Variants in SERPINA9 observed in about 807,000 individuals in gnomAD.
SERPINA9 encodes serpin family A member 9.
In SERPINA9, 32 loss-of-function variants were observed where a neutral mutation model predicts 24.5. The ratio of observed to expected loss-of-function variants is 1.30; its 90% CI spans 0.98 to 1.75. The LOEUF (loss-of-function observed/expected upper bound fraction) is 1.75, where lower values mean the gene tolerates loss of function less well. Among genes scored for constraint, SERPINA9 ranks in the 40% most tolerant of loss-of-function variants. The pLI, the probability that SERPINA9 is intolerant of heterozygous loss-of-function variation, is 0.00. For missense variants in SERPINA9, 594 were observed against 497.1 expected (o/e 1.19, Z -1.85); for synonymous variants, 233 against 197.7 (o/e 1.18, Z -1.50).
chr14:94,473,875 C>T (rs1295013010), intron 1 of SERPINA9, among the ~76,000 whole-genome samples: 1 of 152,212 alleles, frequency 6.6e-6, no homozygotes, highest in Non-Finnish European at 1.5e-5. Context: ...CGAATTGCTT[C>T]ATCTTCTGAA....
chr14:94,469,883 G>A (rs1463818875), intron 1 of SERPINA9, 26 bp from the exon 2 acceptor site: 1 of 1,499,134 alleles, frequency 6.7e-7, no homozygotes, highest in South Asian at 1.4e-5. Context: ...GAACCATTGA[G>A]GGGGTAAACT....
rs1215285617 is a variant in SERPINA9 at position 94,463,251 on chromosome 14, C to T, written c.1096G>A (p.Ala366Thr). The T allele has an allele frequency of 6.2e-7, 1 of 1,614,188 alleles. No homozygotes were observed. Among genetic ancestry groups the T allele is most frequent in the South Asian group, 1.1e-5 (1 of 91,080 alleles). The stretch of plus-strand genomic sequence containing the variant: ...AACTTGGTGGTGGTAGCTGCTGTGG[C>T]CTCAGTGCCCTCTTCACTGACATCC... ...VLDVSEEGTE[A>T]TAATTTKFIV... Residue 366 changes from alanine to threonine, a missense_variant, in exon 5 of 5, where the codon GCC (alanine) becomes ACC (threonine). By Grantham distance (58) the Ala-to-Thr change is moderately conservative. Transcript: ENST00000674397.
chr14:94,466,100 C>G (rs1898992191), intron 3 of SERPINA9, among the ~76,000 whole-genome samples: 1 of 152,180 alleles, frequency 6.6e-6, no homozygotes, highest in South Asian at 2.1e-4. Context: ...GTCCCTCCCT[C>G]CCTGAAATTC....
intron 4 of SERPINA9, chr14:94,464,247 C>G (rs1269381754): frequency 6.1e-6 from 1 of 164,838 alleles, no homozygotes. Flanking sequence ...ACTTTTAGAT[C>G]TAATATACTA....
intron 1 of SERPINA9, among the ~76,000 whole-genome samples, chr14:94,474,642 C>T (rs1368272844): frequency 1.3e-5 from 2 of 152,232 alleles, no homozygotes; most frequent in Admixed American, 6.5e-5. Context: ...CTTCTCTCTC[C>T]CAGCCCTGCC....
At position 94,462,999 on chromosome 14, in the gene SERPINA9, G is replaced by T. The variant is rs190741288; in HGVS notation, c.*94C>A. The T allele has an allele frequency of 8.6e-5, 95 of 1,105,560 alleles. 1 individual carries two copies. The East Asian group carries it at 2.0e-3, about 23-fold the overall frequency. 68.5% of individuals were successfully genotyped at this position (1,105,560 alleles called of 1,614,324 possible). On this transcript the variant is annotated 3_prime_UTR_variant, in exon 5 of 5. Coordinates refer to ENST00000674397, the MANE Select transcript of SERPINA9 (RefSeq NM_175739.4). ...CCCTGCCAGCGAATCCAGCTCCACT[G>T]GGGTCAAATGCACCCTCAGAACAGA...
intron 2 of SERPINA9, 60 bp from the exon 3 acceptor site, chr14:94,467,442 G>A: frequency 6.9e-7 from 1 of 1,458,128 alleles, no homozygotes; most frequent in Non-Finnish European, 9.3e-7. Context: ...GGCAAAGACA[G>A]CAAACTGAAA....
At chr14:94,472,866 G>C (rs1015149057) in intron 1 of SERPINA9, among the ~76,000 whole-genome samples, 2 of 152,212 alleles carry the variant, frequency 1.3e-5, no homozygotes, top group Admixed American at 1.3e-4. Context: ...AGGGCCCAGA[G>C]GGAACCAGAG....
Position 94,463,240 on chromosome 14 carries a change from AG to A in SERPINA9, c.1106del (p.Ala369ValfsTer7). On this transcript the variant is annotated frameshift_variant, in exon 5 of 5. Transcript: ENST00000674397. LOFTEE classifies it low-confidence loss of function (END_TRUNC). Reference protein sequence around the residue: ...VSEEGTEATAATTTKFIVRSK... With the variant: ...VSEEGTEATAXTTTKFIVRSK... ...ATCGGACTATGAACTTGGTGGTGGT[AG>A]CTGCTGTGGCCTCAGTGCCCTCTTC... 2.5e-6 allele frequency: 4 copies of A among 1,614,228 alleles called. No homozygotes were observed. Among genetic ancestry groups the A allele is most frequent in the Non-Finnish European group, 3.4e-6 (4 of 1,180,036 alleles).
chr14:94,462,861 A>C lies in SERPINA9; in HGVS notation c.*232T>G, dbSNP rs996531561. ...ATGGTAACCCAGCAACATCCCATGA[A>C]GCTAGTTACCTGGGAGAATTTGTGG... On this transcript the variant is annotated 3_prime_UTR_variant, in exon 5 of 5. Coordinates refer to ENST00000674397, the MANE Select transcript of SERPINA9 (RefSeq NM_175739.4). 1 of 520,838 alleles carries C rather than the reference A, an allele frequency of 1.9e-6. No individual in the cohort carries two copies. The highest frequency in any genetic ancestry group is 1.9e-5 in the African/African-American group (1 of 52,510). 32.3% of individuals were successfully genotyped at this position (520,838 alleles called of 1,614,324 possible).
intron 1 of SERPINA9, among the ~76,000 whole-genome samples, chr14:94,475,599 C>A (rs1899572089): frequency 1.3e-5 from 2 of 152,144 alleles, no homozygotes; most frequent in Non-Finnish European, 1.5e-5. Context: ...CCTACACCTC[C>A]ACTCCACCAA....
At chr14:94,470,087 C>T (rs1899240407) in intron 1 of SERPINA9, 1 of 833,868 alleles carries the variant, frequency 1.2e-6, no homozygotes. Flanking sequence ...GTGCAACTTA[C>T]CCCAAATAGC....
rs1566793741 is a variant in SERPINA9, at chr14:94,469,629, G to A, written c.212C>T (p.Ser71Phe). The A allele has an allele frequency of 2.5e-6, 4 of 1,614,146 alleles. No homozygotes were observed. The highest frequency in any genetic ancestry group is 2.2e-5 in the East Asian group (1 of 44,874). ...CAGGGAAGTGGAGACACTCACAGGG[G>A]AGAAGAAGATGTTCTGACTCGGGGT... ...LETPSQNIFF[S>F]PVSVSTSLAM... Residue 71 changes from serine to phenylalanine, a missense_variant, in exon 2 of 5, where the codon TCC becomes TTC. Ser to Phe is a radical substitution (Grantham distance 155). Coordinates refer to ENST00000674397, the MANE Select transcript of SERPINA9 (RefSeq NM_175739.4).
intron 4 of SERPINA9, 151 bp downstream of exon 4, chr14:94,464,556 A>G (rs1457856781): frequency 1.6e-6 from 1 of 643,302 alleles, no homozygotes; most frequent in South Asian, 2.0e-5. Context: ...GATGGTGGCC[A>G]TAGGCCGCAA....
intron 1 of SERPINA9, 151 bp downstream of exon 1, chr14:94,475,985 A>C (rs544429152): frequency 8.7e-7 from 1 of 1,151,078 alleles, no homozygotes; most frequent in Non-Finnish European, 1.3e-6. Flanking sequence ...TGTGACCCAG[A>C]TGCTACTAAA....
At chr14:94,465,328 G>A (rs977758593) in intron 3 of SERPINA9, among the ~76,000 whole-genome samples, 2 of 152,190 alleles carry the variant, frequency 1.3e-5, no homozygotes, top group African/African-American at 4.8e-5. Flanking sequence ...GCCATGTGTG[G>A]CTACTGAGCA....
Position 94,462,726 on chromosome 14 carries a change from A to T in SERPINA9, c.*367T>A. ...ATTTTCAGATTAGGACTCTGTTGAC[A>T]GATGAATTCATATTTTAGTTTTATT... On this transcript the variant is annotated 3_prime_UTR_variant, in exon 5 of 5. Transcript: ENST00000674397. 4.0e-6 allele frequency: 1 copy of T among 251,520 alleles called. No homozygotes were observed. Among genetic ancestry groups the T allele is most frequent in the Non-Finnish European group, 7.8e-6 (1 of 128,724 alleles). 15.6% of individuals were successfully genotyped at this position (251,520 alleles called of 1,614,324 possible). A position where few individuals can be genotyped will look rare whatever the true frequency, so the allele number is the denominator to read the frequency against.
chr14:94,464,173 A>G (rs1293258827), intron 4 of SERPINA9, among the ~76,000 whole-genome samples: 1 of 152,184 alleles, frequency 6.6e-6, no homozygotes, highest in Non-Finnish European at 1.5e-5. Flanking sequence ...GTGGACACAT[A>G]GGCTCACTGT....
Position 94,464,798 on chromosome 14 carries a change from G to A in SERPINA9, c.959C>T (p.Thr320Ile). The A allele has an allele frequency of 1.2e-6, 2 of 1,613,470 alleles. No homozygotes were observed. The highest frequency in any genetic ancestry group is 1.7e-6 in the Non-Finnish European group (2 of 1,179,428). Residue 320 changes from threonine to isoleucine, a missense_variant, in exon 4 of 5, where the codon ACC (threonine) becomes ATC (isoleucine). Thr to Ile is a moderately conservative substitution (Grantham distance 89, BLOSUM62 -1). Coordinates refer to ENST00000674397, the MANE Select transcript of SERPINA9 (RefSeq NM_175739.4). Reference protein sequence around the residue: ...FSISASYNLETILPKMGIQNV... With the variant: ...FSISASYNLEIILPKMGIQNV... ...TTGGATGCCCATCTTCGGGAGGATG[G>A]TTTCCAGATTGTAGGAGGCAGAAAT...
Sources: allele counts gnomAD v4.1 joint callset (sites outside exome capture counted in the v4.1 genomes callset), GRCh38; gene constraint gnomAD v4.1.1; transcripts MANE v1.5; gene names NCBI Gene and HGNC (gene_info 2026-07-23, HGNC 2026-07-21).